Variants in ERBB4 observed in about 807,000 individuals in gnomAD.
ERBB4 encodes erb-b2 receptor tyrosine kinase 4, also known as receptor tyrosine-protein kinase erbB-4.
Under a neutral mutation model 158.0 loss-of-function variants are expected in ERBB4, and 42 were observed. That is an observed-to-expected ratio of 0.27 (90% confidence interval 0.21 to 0.34). The LOEUF (loss-of-function observed/expected upper bound fraction) is 0.34, where lower values mean the gene tolerates loss of function less well. Ranked by LOEUF, ERBB4 falls within the 10% of genes least tolerant of loss-of-function variation. The probability of loss-of-function intolerance (pLI) is 1.00; values close to 1 mark genes in which losing one functional copy is unlikely to be tolerated. For missense variants in ERBB4, 1,333 were observed against 1,624.1 expected (o/e 0.82, Z 3.08); for synonymous variants, 583 against 558.7 (o/e 1.04, Z -0.61).
At chr2:211,416,665 G>T (rs550131304) in intron 25 of ERBB4, among the ~76,000 whole-genome samples, 5 of 152,192 alleles carry the variant, frequency 3.3e-5, no homozygotes, top group African/African-American at 1.2e-4. Context: ...ATTAATAACT[G>T]GCAGCTTTCC....
chr2:212,277,186 T>C lies in ERBB4; in HGVS notation c.83-152283A>G, dbSNP rs547841121. On this transcript the variant is annotated intron_variant, in intron 1 of 27. Coordinates refer to ENST00000342788, the MANE Select transcript of ERBB4 (RefSeq NM_005235.3). Reference sequence around the variant, plus strand: ...GAGATTTAAGGGCAGTGGGCTGCGATACACATTGACTGAAAAGATCTAGGG... The same window carrying C: ...GAGATTTAAGGGCAGTGGGCTGCGACACACATTGACTGAAAAGATCTAGGG... 3.9e-5 allele frequency among the ~76,000 whole-genome samples: 6 copies of C among 151,924 alleles called. No individual in the cohort carries two copies. In the South Asian group the frequency reaches 1.0e-3, roughly 26 times the overall value.
intron 2 of ERBB4, among the ~76,000 whole-genome samples, chr2:212,028,275 G>C (rs1173511681): frequency 6.6e-6 from 1 of 151,838 alleles, no homozygotes; most frequent in Non-Finnish European, 1.5e-5. Context: ...TGAGGAAGTG[G>C]ATAAGCCAAA....
At chr2:211,652,959 A>G (rs1305170654) in intron 16 of ERBB4, among the ~76,000 whole-genome samples, 1 of 152,170 alleles carries the variant, frequency 6.6e-6, no homozygotes, top group African/African-American at 2.4e-5. Flanking sequence ...GATTAAAAGA[A>G]ATAAACAAAC....
chr2:212,280,140 G>C (rs2085698169), intron 1 of ERBB4, among the ~76,000 whole-genome samples: 1 of 151,478 alleles, frequency 6.6e-6, no homozygotes, highest in African/African-American at 2.4e-5. Flanking sequence ...TACCAACACA[G>C]ACTGAGTAAA....
rs1449594982 is a variant in ERBB4, at chr2:211,380,258, G to A, written c.*3357C>T. ...GCTTGGTAGTCTAACACCTTTTGTGGTGCAGATGCTTTGTGGTTCTGGATC... is the reference window on the plus strand; with the variant it reads ...GCTTGGTAGTCTAACACCTTTTGTGATGCAGATGCTTTGTGGTTCTGGATC... On this transcript the variant is annotated 3_prime_UTR_variant, in exon 28 of 28. Transcript: ENST00000342788. The A allele has an allele frequency of 8.6e-6, 2 of 232,200 alleles. No individual in the cohort carries two copies. Among genetic ancestry groups the A allele is most frequent in the East Asian group, 1.2e-4 (2 of 16,464 alleles). The allele number at this position is 232,200 out of a possible 1,614,324, so 14.4% of individuals were successfully genotyped here.
Position 211,387,116 on chromosome 2 carries a change from G to A in ERBB4, c.3218C>T (p.Ala1073Val), listed in dbSNP as rs770705502. ...QFVYRDGGFA[A>V]EQGVSVPYRA... is the part of the protein sequence containing the mutation. ...GTAGGGCACAGACACTCCTTGTTCA[G>A]CAGCAAAACCTCCATCTCGGTATAC... The change falls in exon 27 of 28, where the codon GCT (alanine) becomes GTT (valine). Residue 1073 changes from alanine to valine, a missense_variant. Transcript: ENST00000342788. 1.2e-6 allele frequency: 2 copies of A among 1,613,938 alleles called. No homozygotes were observed. Among genetic ancestry groups the A allele is most frequent in the Admixed American group, 1.7e-5 (1 of 60,024 alleles).
At chr2:211,919,809 C>T (rs937186937) in intron 3 of ERBB4, among the ~76,000 whole-genome samples, 5 of 151,938 alleles carry the variant, frequency 3.3e-5, no homozygotes, top group African/African-American at 1.2e-4. Context: ...GCAGGCAATT[C>T]AATATGTAGA....
chr2:212,516,370 G>T (rs1691843556), intron 1 of ERBB4, among the ~76,000 whole-genome samples: 1 of 152,050 alleles, frequency 6.6e-6, no homozygotes, highest in South Asian at 2.1e-4. Flanking sequence ...ACTCTAAAGT[G>T]ATCTATTATT....
At chr2:211,392,050 T>C (rs1227402329) in intron 25 of ERBB4, among the ~76,000 whole-genome samples, 1 of 152,184 alleles carries the variant, frequency 6.6e-6, no homozygotes, top group Non-Finnish European at 1.5e-5. Context: ...CTGTAAGACG[T>C]TGCTAATCCA....
chr2:211,541,346 T>A (rs141660686), intron 20 of ERBB4, among the ~76,000 whole-genome samples: 1,647 of 152,094 alleles, frequency 0.011, 17 homozygotes, highest in Non-Finnish European at 0.017. Flanking sequence ...TCTTTGAATG[T>A]CCTACTCAGG....
intron 21 of ERBB4, among the ~76,000 whole-genome samples, chr2:211,429,889 A>ATCT (rs561853267): frequency 6.6e-6 from 1 of 152,294 alleles, no homozygotes; most frequent in South Asian, 2.1e-4. Flanking sequence ...CTTTAGACAA[A>ATCT]TCTTATGTCT....
intron 3 of ERBB4, among the ~76,000 whole-genome samples, chr2:211,861,101 T>TA (rs1277377699): frequency 0.031 from 776 of 24,996 alleles, 80 homozygotes; most frequent in African/African-American, 0.04. Context: ...TATAAATACA[T>TA]TATATATATT....
chr2:211,775,331 A>G lies in ERBB4; in HGVS notation c.556+12694T>C, dbSNP rs373912104. Among the ~76,000 whole-genome samples the G allele has an allele frequency of 9.2e-5, 14 of 152,256 alleles. No individual in the cohort carries two copies. The South Asian group carries it at 2.9e-3, about 32-fold the overall frequency. ...GTGTAAAGTTATTTCTAGTTAATAG[A>G]TTATGCAGAAGGTATAAGGGCTTGT... On this transcript the variant is annotated intron_variant, in intron 4 of 27. Transcript: ENST00000342788.
At chr2:212,314,562 A>T (rs1405043099) in intron 1 of ERBB4, among the ~76,000 whole-genome samples, 6 of 151,208 alleles carry the variant, frequency 4.0e-5, no homozygotes, top group African/African-American at 1.2e-4. Flanking sequence ...TAGAATTTTA[A>T]AAAAAATCCA....
chr2:211,679,848 T>G (rs2105962423), intron 12 of ERBB4, among the ~76,000 whole-genome samples: 1 of 152,128 alleles, frequency 6.6e-6, no homozygotes, highest in East Asian at 1.9e-4. Flanking sequence ...CCCAGATAAT[T>G]TTTGTATTTT....
intron 1 of ERBB4, among the ~76,000 whole-genome samples, chr2:212,274,559 T>C (rs1286290595): frequency 6.6e-6 from 1 of 151,860 alleles, no homozygotes; most frequent in African/African-American, 2.4e-5. Context: ...ATGCAGTTAA[T>C]TTTATGCAAT....
At chr2:211,892,899 G>C (rs1452911975) in intron 3 of ERBB4, among the ~76,000 whole-genome samples, 1 of 142,470 alleles carries the variant, frequency 7.0e-6, no homozygotes, top group Admixed American at 6.9e-5. Context: ...CACTGCTCAA[G>C]GAAATAAAAG....
At chr2:211,809,759 C>T (rs1011875527) in intron 3 of ERBB4, among the ~76,000 whole-genome samples, 1 of 152,102 alleles carries the variant, frequency 6.6e-6, no homozygotes, top group Admixed American at 6.6e-5. Flanking sequence ...TCTTGCTTCA[C>T]TAGTTCTTTT....
At chr2:212,520,119 G>A (rs1692073196) in intron 1 of ERBB4, among the ~76,000 whole-genome samples, 1 of 151,868 alleles carries the variant, frequency 6.6e-6, no homozygotes, top group Admixed American at 6.6e-5. Context: ...AAACATATTT[G>A]TCTTAAAATA....
Sources: gnomAD v4.1 joint callset for allele counts (sites outside exome capture counted in the v4.1 genomes callset) on GRCh38, gnomAD v4.1.1 for gene constraint, MANE v1.5 for transcripts, NCBI Gene and HGNC (gene_info 2026-07-23, HGNC 2026-07-21) for gene names.